DCAF8L2: variants seen among roughly 807,000 people sequenced by gnomAD.
DCAF8L2 encodes the protein DDB1 and CUL4 associated factor 8 like 2.
For missense variants in DCAF8L2, 430 were observed against 490.7 expected (o/e 0.88, Z 1.17); for synonymous variants, 200 against 190.9 (o/e 1.05, Z -0.39).
At chrX:27,626,523 C>T (rs1464545244) in intron 1 of DCAF8L2, among the ~76,000 whole-genome samples, 1 of 111,834 alleles carries the variant, frequency 8.9e-6, no homozygotes, top group African/African-American at 3.3e-5. Context: ...GATCAAACCA[C>T]AAAGCTAGTT....
the DCAF8L2 span, among the ~76,000 whole-genome samples, chrX:27,513,542 TA>T: frequency 9.1e-6 from 1 of 110,253 alleles, no homozygotes; most frequent in African/African-American, 3.3e-5. Context: ...CTGTCTCTAC[TA>T]AAAATAAAAA....
At chrX:27,662,212 G>C (rs916233063) in intron 2 of DCAF8L2, among the ~76,000 whole-genome samples, 4 of 111,165 alleles carry the variant, frequency 3.6e-5, no homozygotes, top group Admixed American at 9.6e-5. Flanking sequence ...ATTTGCGTCT[G>C]TGCAGGAGAT....
At chrX:27,478,005 A>G in the DCAF8L2 span, among the ~76,000 whole-genome samples, 1 of 111,241 alleles carries the variant, frequency 9.0e-6, no homozygotes, top group South Asian at 3.8e-4. Context: ...ACTCCCAACT[A>G]AGATTCTCAA....
intron 1 of DCAF8L2, among the ~76,000 whole-genome samples, chrX:27,618,660 A>T (rs1927589823): frequency 9.0e-6 from 1 of 110,795 alleles, no homozygotes. Flanking sequence ...GAAGCAAAAA[A>T]CATTTAGAAG....
chrX:27,541,588 G>T, the DCAF8L2 span, among the ~76,000 whole-genome samples: 1 of 109,796 alleles, frequency 9.1e-6, no homozygotes, highest in South Asian at 3.9e-4. Context: ...GGCTGGTCTT[G>T]AACTTCCGAC....
the DCAF8L2 span, among the ~76,000 whole-genome samples, chrX:27,585,219 C>T: frequency 1.8e-4 from 20 of 111,124 alleles, no homozygotes; most frequent in African/African-American, 6.5e-4. Flanking sequence ...CCCCCATAAT[C>T]TTAATTTCAT....
chrX:27,581,018 A>C, the DCAF8L2 span, among the ~76,000 whole-genome samples: 2 of 112,282 alleles, frequency 1.8e-5, no homozygotes, highest in African/African-American at 6.5e-5. Flanking sequence ...TCAATATAAA[A>C]ATTCATAAAA....
the DCAF8L2 span, among the ~76,000 whole-genome samples, chrX:27,504,184 A>C: frequency 1.5e-4 from 17 of 112,472 alleles, no homozygotes; most frequent in South Asian, 3.6e-4. Context: ...CGATTTGGTT[A>C]TCTCTTTAAT....
intron 4 of DCAF8L2, among the ~76,000 whole-genome samples, chrX:27,744,989 A>C (rs1430704780): frequency 8.9e-6 from 1 of 112,029 alleles, no homozygotes; most frequent in Non-Finnish European, 1.9e-5. Context: ...AGCAAAGCGA[A>C]ATGGACTAAG....
At chrX:27,610,367 G>A (rs1257040707) in intron 1 of DCAF8L2, among the ~76,000 whole-genome samples, 1 of 110,348 alleles carries the variant, frequency 9.1e-6, no homozygotes, top group Non-Finnish European at 1.9e-5. Flanking sequence ...GTTCAGGACT[G>A]GATGTGTGTA....
At chrX:27,530,296 T>C in the DCAF8L2 span, among the ~76,000 whole-genome samples, 1 of 110,209 alleles carries the variant, frequency 9.1e-6, no homozygotes, top group Non-Finnish European at 1.9e-5. Context: ...CCTTGCAAGA[T>C]CTTCCCAGCA....
the DCAF8L2 span, among the ~76,000 whole-genome samples, chrX:27,566,558 T>A: frequency 9.0e-6 from 1 of 111,304 alleles, no homozygotes; most frequent in Non-Finnish European, 1.9e-5. Flanking sequence ...AAATCCTTTT[T>A]GAGTTTTGAG....
At chrX:27,686,612 C>T (rs891398720) in intron 3 of DCAF8L2, among the ~76,000 whole-genome samples, 3 of 110,881 alleles carry the variant, frequency 2.7e-5, no homozygotes, top group Non-Finnish European at 5.7e-5. Flanking sequence ...TAGTTAATGG[C>T]CATAAATGTA....
chrX:27,633,227 A>C (rs908331496), intron 2 of DCAF8L2: 1 of 112,114 alleles, frequency 8.9e-6, no homozygotes, highest in African/African-American at 3.2e-5. Flanking sequence ...ATAGTGATAT[A>C]AAATCCTAGA....
the DCAF8L2 span, chrX:27,518,830 AAT>A: frequency 3.7e-6 from 2 of 535,418 alleles, no homozygotes; most frequent in Admixed American, 5.0e-5. Context: ...TTTGAGTCTG[AAT>A]ATTTATGAGC....
the DCAF8L2 span, among the ~76,000 whole-genome samples, chrX:27,550,604 A>T: frequency 9.0e-6 from 1 of 111,196 alleles, no homozygotes; most frequent in African/African-American, 3.3e-5. Context: ...TTACCCTACC[A>T]TGTAATAGAA....
intron 4 of DCAF8L2, among the ~76,000 whole-genome samples, chrX:27,735,364 A>T (rs1222897891): frequency 8.9e-6 from 1 of 111,980 alleles, no homozygotes; most frequent in Non-Finnish European, 1.9e-5. Context: ...TTTACTGTTT[A>T]AAGGCTTCCT....
chrX:27,474,368 G>A, the DCAF8L2 span, among the ~76,000 whole-genome samples: 53 of 111,476 alleles, frequency 4.8e-4, no homozygotes, highest in South Asian at 0.016. Flanking sequence ...CCACATATGC[G>A]TACATATCCA....
At chrX:27,630,967 C>T in intron 1 of DCAF8L2, among the ~76,000 whole-genome samples, 1 of 111,109 alleles carries the variant, frequency 9.0e-6, no homozygotes, top group East Asian at 2.9e-4. Context: ...TAATCACATC[C>T]CAAACACCAC....
Sources: allele counts gnomAD v4.1 joint callset (sites outside exome capture counted in the v4.1 genomes callset), GRCh38; gene constraint gnomAD v4.1.1; transcripts MANE v1.5; gene names NCBI Gene and HGNC (gene_info 2026-07-23, HGNC 2026-07-21).